The following ARHGAP15 variants were observed in gnomAD, a reference collection of about 807,000 sequenced individuals.
ARHGAP15 encodes the protein Rho GTPase activating protein 15.
ARHGAP15 carries 51 observed loss-of-function variants against 63.7 expected under a neutral mutation model. The observed-to-expected ratio is 0.80, with a 90% CI of 0.64 to 1.01. The LOEUF (loss-of-function observed/expected upper bound fraction) is 1.01. Among genes scored for constraint, ARHGAP15 ranks in the 50% least tolerant of loss-of-function variants. The probability of loss-of-function intolerance (pLI) is 0.00; values close to 1 mark genes in which losing one functional copy is unlikely to be tolerated. For missense variants in ARHGAP15, 560 were observed against 564.6 expected, an observed-to-expected ratio of 0.99 and a Z score of 0.08; for synonymous variants, 191 against 193.8, an observed-to-expected ratio of 0.99 and a Z score of 0.12.
At chr2:143,750,928 G>C (rs1156766027) in intron 13 of ARHGAP15, among the ~76,000 whole-genome samples, 1 of 152,170 alleles carries the variant, frequency 6.6e-6, no homozygotes, top group African/African-American at 2.4e-5. Context: ...GAATTCAAAG[G>C]GGGAGGGAAA....
intron 9 of ARHGAP15, among the ~76,000 whole-genome samples, chr2:143,506,627 G>A (rs955071941): frequency 6.6e-6 from 1 of 152,058 alleles, no homozygotes; most frequent in Admixed American, 6.6e-5. Context: ...GATGATGACA[G>A]GCAAATGAAA....
rs551708334 is a variant in ARHGAP15, at chr2:143,708,670, A to G, written c.1244+5146A>G. 2.0e-5 allele frequency among the ~76,000 whole-genome samples: 3 copies of G among 151,914 alleles called. No individual in the cohort carries two copies. In the South Asian group the frequency reaches 6.2e-4, roughly 32 times the overall value. ...TGATAGTTTGCTAATGTGATCATCTAGTCTGCCGGCCTTTGGGGCAGGCAT... is the reference window on the plus strand; with the variant it reads ...TGATAGTTTGCTAATGTGATCATCTGGTCTGCCGGCCTTTGGGGCAGGCAT... On this transcript the variant is annotated intron_variant, in intron 13 of 13. Transcript: ENST00000295095.
At position 143,393,561 on chromosome 2, in the gene ARHGAP15, A is replaced by G. The variant is rs1308848417; in HGVS notation, c.475-42040A>G. On this transcript the variant is annotated intron_variant, in intron 6 of 13. Transcript: ENST00000295095. ...ATCCTGACCAACATGGTGAAACCCC[A>G]TCTCTACTAAAAACACAAAATTAGC... Among the ~76,000 whole-genome samples, 5 of 152,024 alleles carry G rather than the reference A, an allele frequency of 3.3e-5. No homozygotes were observed. The East Asian group carries it at 7.8e-4, about 24-fold the overall frequency.
intron 10 of ARHGAP15, among the ~76,000 whole-genome samples, chr2:143,543,359 T>G (rs1368835457): frequency 6.6e-6 from 1 of 152,132 alleles, no homozygotes; most frequent in East Asian, 1.9e-4. Flanking sequence ...AGAAGTATCT[T>G]TTTAGTTTTT....
At position 143,174,443 on chromosome 2, in the gene ARHGAP15, A is replaced by T. The variant is rs991539178; in HGVS notation, c.165+18788A>T. On this transcript the variant is annotated intron_variant, in intron 2 of 13. Coordinates refer to ENST00000295095, the MANE Select transcript of ARHGAP15 (RefSeq NM_018460.4). ...ACTAACTGAGCTTTTAATTTTTTTT[A>T]AAAAAAGAAACATACAAAATACTCT... Among the ~76,000 whole-genome samples, 27 of 152,026 alleles carry T rather than the reference A, an allele frequency of 1.8e-4. 1 individual carries two copies. The highest frequency in any genetic ancestry group is 3.9e-4 in the East Asian group (2 of 5,190).
chr2:143,188,489 C>G (rs2105084590), intron 2 of ARHGAP15, among the ~76,000 whole-genome samples: 1 of 151,908 alleles, frequency 6.6e-6, no homozygotes. Flanking sequence ...TCCCATTGTT[C>G]TCCATCTGCT....
At chr2:143,615,101 C>T (rs931635964) in intron 11 of ARHGAP15, among the ~76,000 whole-genome samples, 1 of 152,128 alleles carries the variant, frequency 6.6e-6, no homozygotes, top group East Asian at 1.9e-4. Context: ...TCCTGTGATG[C>T]AGAAAATTTA....
intron 11 of ARHGAP15, among the ~76,000 whole-genome samples, chr2:143,570,291 C>T (rs1326775673): frequency 6.6e-6 from 1 of 152,214 alleles, no homozygotes; most frequent in Non-Finnish European, 1.5e-5. Flanking sequence ...AACCTCCCCC[C>T]AAACCACAAG....
At chr2:143,131,384 T>C (rs139295094) in intron 1 of ARHGAP15, among the ~76,000 whole-genome samples, 2 of 152,346 alleles carry the variant, frequency 1.3e-5, no homozygotes, top group African/African-American at 4.8e-5. Context: ...ACGGAAGATT[T>C]TATTTGGAAA....
chr2:143,527,642 A>G (rs1694334541), intron 10 of ARHGAP15, among the ~76,000 whole-genome samples: 1 of 152,068 alleles, frequency 6.6e-6, no homozygotes. Flanking sequence ...GAAGATAATA[A>G]TGTCCTATAT....
chr2:143,737,331 C>A (rs1685784592), intron 13 of ARHGAP15, among the ~76,000 whole-genome samples: 2 of 152,224 alleles, frequency 1.3e-5, no homozygotes, highest in Non-Finnish European at 2.9e-5. Flanking sequence ...ATTTTCTAAA[C>A]ATCCTTCAGT....
chr2:143,749,139 C>T (rs563205471), intron 13 of ARHGAP15, among the ~76,000 whole-genome samples: 2 of 151,996 alleles, frequency 1.3e-5, no homozygotes, highest in South Asian at 4.2e-4. Context: ...GAGAGCTTAC[C>T]CTAAAGTCTG....
At chr2:143,482,495 A>G in intron 8 of ARHGAP15, among the ~76,000 whole-genome samples, 1 of 152,360 alleles carries the variant, frequency 6.6e-6, no homozygotes, top group East Asian at 1.9e-4. Flanking sequence ...GGGAAAATGG[A>G]AGGAACACTG....
chr2:143,546,983 C>T (rs186902580), intron 10 of ARHGAP15, among the ~76,000 whole-genome samples: 13 of 152,194 alleles, frequency 8.5e-5, no homozygotes, highest in Admixed American at 5.9e-4. Context: ...GTTTCCCAAT[C>T]TCCAGAAATC....
At chr2:143,162,077 T>C (rs1288885047) in intron 2 of ARHGAP15, 1 of 151,946 alleles carries the variant, frequency 6.6e-6, no homozygotes, top group African/African-American at 2.4e-5. Flanking sequence ...GGAACATGTA[T>C]TTAGGTTGCT....
At chr2:143,554,152 A>T (rs1026996302) in intron 10 of ARHGAP15, among the ~76,000 whole-genome samples, 2 of 152,202 alleles carry the variant, frequency 1.3e-5, no homozygotes, top group Non-Finnish European at 1.5e-5. Flanking sequence ...TTGATTTTTT[A>T]AAAAATTAGA....
At chr2:143,377,869 T>G (rs979076686) in intron 6 of ARHGAP15, among the ~76,000 whole-genome samples, 1 of 152,106 alleles carries the variant, frequency 6.6e-6, no homozygotes, top group Non-Finnish European at 1.5e-5. Context: ...TAAATAGGCT[T>G]TTTTTATATG....
intron 6 of ARHGAP15, among the ~76,000 whole-genome samples, chr2:143,307,531 A>C (rs1683229578): frequency 6.6e-6 from 1 of 152,180 alleles, no homozygotes; most frequent in South Asian, 2.1e-4. Context: ...ATCATCAGTT[A>C]ATACATTCTG....
chr2:143,166,021 A>AAG (rs1690508787), intron 2 of ARHGAP15, among the ~76,000 whole-genome samples: 1 of 114,734 alleles, frequency 8.7e-6, no homozygotes, highest in Non-Finnish European at 1.9e-5. Flanking sequence ...AAGGAAAAAA[A>AAG]GAAAGAAAAC....
Sources: allele counts gnomAD v4.1 joint callset (sites outside exome capture counted in the v4.1 genomes callset), GRCh38; gene constraint gnomAD v4.1.1; transcripts MANE v1.5; gene names NCBI Gene and HGNC (gene_info 2026-07-23, HGNC 2026-07-21).